Variants in CCBE1 observed in about 807,000 individuals in gnomAD.
The protein encoded by CCBE1 is collagen and calcium binding EGF domains 1.
In CCBE1, 37 loss-of-function variants were observed where a neutral mutation model predicts 50.0. The observed-to-expected ratio is 0.74, with a 90% confidence interval of 0.57 to 0.97. The LOEUF (loss-of-function observed/expected upper bound fraction) is 0.97, where lower values mean the gene tolerates loss of function less well. CCBE1 is among the 50% of genes least tolerant of loss of function. The pLI, the probability that CCBE1 is intolerant of heterozygous loss-of-function variation, is 0.00. For synonymous variants in CCBE1, 234 were observed against 203.7 expected, an observed-to-expected ratio of 1.15 and a Z score of -1.27; for missense variants, 538 against 523.8, an observed-to-expected ratio of 1.03 and a Z score of -0.26.
intron 2 of CCBE1, among the ~76,000 whole-genome samples, chr18:59,673,543 C>A (rs1040155224): frequency 2.0e-5 from 3 of 152,164 alleles, no homozygotes; most frequent in Non-Finnish European, 2.9e-5. Context: ...AAGTGCTCGG[C>A]ACATACTTCT....
At chr18:59,526,816 GTT>G (rs1347023839) in intron 2 of CCBE1, among the ~76,000 whole-genome samples, 1 of 152,170 alleles carries the variant, frequency 6.6e-6, no homozygotes, top group Non-Finnish European at 1.5e-5. Context: ...TAGTTTTGTG[GTT>G]TTGAGTGAGT....
At chr18:59,543,834 CAAAAAAA>C (rs10678902) in intron 2 of CCBE1, among the ~76,000 whole-genome samples, 1 of 69,026 alleles carries the variant, frequency 1.4e-5, no homozygotes, top group South Asian at 6.2e-4. Flanking sequence ...GACTCCGTCT[CAAAAAAA>C]AAAAAAAAAA....
At chr18:59,527,587 T>C (rs1313795707) in intron 2 of CCBE1, among the ~76,000 whole-genome samples, 1 of 152,196 alleles carries the variant, frequency 6.6e-6, no homozygotes, top group Non-Finnish European at 1.5e-5. Flanking sequence ...CACAGTGTCA[T>C]TGGTCTTTGT....
At chr18:59,691,009 A>C (rs980915956) in intron 2 of CCBE1, among the ~76,000 whole-genome samples, 1 of 152,254 alleles carries the variant, frequency 6.6e-6, no homozygotes, top group Non-Finnish European at 1.5e-5. Context: ...CAATGAAAAT[A>C]ATGGCAGCTT....
chr18:59,516,131 G>A (rs1027173078), intron 2 of CCBE1, among the ~76,000 whole-genome samples: 3 of 151,964 alleles, frequency 2.0e-5, no homozygotes, highest in Non-Finnish European at 2.9e-5. Context: ...GCTAACTTTT[G>A]TATTTTTAGT....
At chr18:59,675,154 C>T (rs189610623) in intron 2 of CCBE1, among the ~76,000 whole-genome samples, 29 of 152,266 alleles carry the variant, frequency 1.9e-4, no homozygotes, top group Admixed American at 1.4e-3. Flanking sequence ...GTCAGCTGCC[C>T]AAAGTGTCAC....
At chr18:59,563,254 G>A (rs1430194771) in intron 2 of CCBE1, among the ~76,000 whole-genome samples, 2 of 152,146 alleles carry the variant, frequency 1.3e-5, no homozygotes, top group Admixed American at 6.5e-5. Flanking sequence ...GAATACATGT[G>A]GATGGGGGTT....
intron 2 of CCBE1, among the ~76,000 whole-genome samples, chr18:59,539,948 C>T (rs969118557): frequency 1.3e-5 from 2 of 152,068 alleles, no homozygotes; most frequent in Non-Finnish European, 1.5e-5. Flanking sequence ...TATGTTCTTG[C>T]CCCATGGAGA....
intron 2 of CCBE1, among the ~76,000 whole-genome samples, chr18:59,692,648 A>C (rs911449219): frequency 6.6e-6 from 1 of 152,176 alleles, no homozygotes; most frequent in Non-Finnish European, 1.5e-5. Context: ...ATTTGCAAAA[A>C]CATCACATTA....
Position 59,635,488 on chromosome 18 carries a change from T to C in CCBE1, c.212+61141A>G, listed in dbSNP as rs115577155. Among the ~76,000 whole-genome samples, 1,310 of 151,410 alleles carry C rather than the reference T, an allele frequency of 8.7e-3. 17 individuals carry two copies. Among genetic ancestry groups the C allele is most frequent in the African/African-American group, 0.03 (1,237 of 40,930 alleles). On this transcript the variant is annotated intron_variant, in intron 2 of 10. Coordinates refer to ENST00000439986, the MANE Select transcript of CCBE1 (RefSeq NM_133459.4). ...AAAAATAAACAAGAAGAAACAGTAA[T>C]TTAAAAAATCTAATTTCCGGGAATT...
intron 7 of CCBE1, among the ~76,000 whole-genome samples, chr18:59,442,194 G>A (rs891902448): frequency 6.6e-6 from 1 of 152,134 alleles, no homozygotes; most frequent in African/African-American, 2.4e-5. Flanking sequence ...AAAAACAGAT[G>A]ACTTGTTAAA....
At chr18:59,630,885 G>A (rs572452408) in intron 2 of CCBE1, among the ~76,000 whole-genome samples, 77 of 152,304 alleles carry the variant, frequency 5.1e-4, no homozygotes, top group African/African-American at 1.8e-3. Context: ...AATTAAGCCC[G>A]TTTAGAGATC....
intron 2 of CCBE1, among the ~76,000 whole-genome samples, chr18:59,483,574 C>T (rs609957): frequency 0.29 from 44,080 of 151,986 alleles, 6,474 homozygotes; most frequent in African/African-American, 0.31. Context: ...AAGTAATCTC[C>T]TCCTGAAACA....
chr18:59,632,519 C>A (rs2144628882), intron 2 of CCBE1, among the ~76,000 whole-genome samples: 1 of 152,270 alleles, frequency 6.6e-6, no homozygotes, highest in East Asian at 1.9e-4. Flanking sequence ...GGTCATCTAC[C>A]TGCCTCGGCC....
At chr18:59,486,234 A>C (rs1483236815) in intron 2 of CCBE1, among the ~76,000 whole-genome samples, 1 of 152,190 alleles carries the variant, frequency 6.6e-6, no homozygotes, top group Non-Finnish European at 1.5e-5. Context: ...TGCAGTCAGA[A>C]TATGTTCTAG....
In CCBE1 at chr18:59,482,960, G is replaced by C. The variant is rs372980846; in HGVS notation, c.213-2722C>G. On this transcript the variant is annotated intron_variant, in intron 2 of 10. Transcript: ENST00000439986. ...TCATTCCTACTGCAACATCATTCTC[G>C]CTCATTTGTGTTTGGGCATGCTTTC... 1.6e-4 allele frequency among the ~76,000 whole-genome samples: 25 copies of C among 151,866 alleles called. No individual in the cohort carries two copies. In the South Asian group the frequency reaches 2.9e-3, roughly 18 times the overall value.
intron 2 of CCBE1, among the ~76,000 whole-genome samples, chr18:59,509,819 CTAAATTACT>C (rs375401641): frequency 0.35 from 52,702 of 152,004 alleles, 9,627 homozygotes; most frequent in East Asian, 0.45. Flanking sequence ...TACTAAATTA[CTAAATTACT>C]CATTATTAAT....
intron 7 of CCBE1, among the ~76,000 whole-genome samples, chr18:59,442,087 A>G (rs535526438): frequency 9.2e-5 from 14 of 152,268 alleles, no homozygotes; most frequent in African/African-American, 3.4e-4. Context: ...AGCTCACACT[A>G]TTCTTTCTGT....
chr18:59,661,701 T>C (rs1437956823), intron 2 of CCBE1, among the ~76,000 whole-genome samples: 1 of 152,166 alleles, frequency 6.6e-6, no homozygotes, highest in East Asian at 1.9e-4. Context: ...GGCATGGTGG[T>C]TCATGCCTGT....
Sources: gnomAD v4.1 joint callset for allele counts (sites outside exome capture counted in the v4.1 genomes callset) on GRCh38, gnomAD v4.1.1 for gene constraint, MANE v1.5 for transcripts, NCBI Gene and HGNC (gene_info 2026-07-23, HGNC 2026-07-21) for gene names.